The following ORC3 variants were observed in gnomAD, a reference collection of about 807,000 sequenced individuals.
ORC3 encodes the protein homolog of latheo, Drosophila.
In ORC3, 78 loss-of-function variants were observed where a neutral mutation model predicts 100.7. That is an observed-to-expected ratio of 0.77 (90% CI 0.65 to 0.94). The LOEUF is 0.94. Among genes scored for constraint, ORC3 ranks in the 40% least tolerant of loss-of-function variants. The pLI is 0.00. For missense variants in ORC3, 789 were observed against 823.9 expected (o/e 0.96, Z 0.52); for synonymous variants, 295 against 289.3 (o/e 1.02, Z -0.20).
chr6:87,626,169 G>A (rs1473380689), intron 11 of ORC3, among the ~76,000 whole-genome samples: 16 of 152,144 alleles, frequency 1.1e-4, no homozygotes. Flanking sequence ...GGCAATGTGG[G>A]CTCTTTTTTG....
intron 18 of ORC3, 111 bp downstream of exon 18, chr6:87,664,970 C>T (rs1307491156): frequency 5.9e-6 from 4 of 672,598 alleles, no homozygotes; most frequent in Non-Finnish European, 1.0e-5. Flanking sequence ...TGTTTAATGC[C>T]TTGTCTTTTA....
intron 7 of ORC3, among the ~76,000 whole-genome samples, chr6:87,610,928 ACTTTT>A (rs1778711458): frequency 7.5e-6 from 1 of 132,928 alleles, no homozygotes; most frequent in African/African-American, 2.8e-5. Flanking sequence ...ATATATTAGG[ACTTTT>A]CTTTTTTTTT....
At chr6:87,627,232 C>G (rs981399964) in intron 11 of ORC3, among the ~76,000 whole-genome samples, 1 of 148,706 alleles carries the variant, frequency 6.7e-6, no homozygotes, top group African/African-American at 2.5e-5. Context: ...CTCCTGACTT[C>G]AGATAATCCA....
At chr6:87,590,788 A>G (rs956104968) in intron 1 of ORC3, among the ~76,000 whole-genome samples, 3 of 152,202 alleles carry the variant, frequency 2.0e-5, no homozygotes, top group African/African-American at 7.2e-5. Context: ...GGCCCAGAAG[A>G]TAGAAATAAA....
At chr6:87,668,408 A>T (rs948053427), downstream of ORC3, among the ~76,000 whole-genome samples, 2 of 152,160 alleles carry the variant, frequency 1.3e-5, no homozygotes, top group East Asian at 3.9e-4. Flanking sequence ...ATTATACTTA[A>T]CAAGTTCAGT....
chr6:87,602,421 A>C (rs1467455722), intron 3 of ORC3, among the ~76,000 whole-genome samples: 1 of 151,338 alleles, frequency 6.6e-6, no homozygotes, highest in African/African-American at 2.4e-5. Flanking sequence ...ACATTTCTTC[A>C]CTATAGCAAA....
At chr6:87,600,492 G>A (rs1777815062) in intron 2 of ORC3, among the ~76,000 whole-genome samples, 1 of 152,070 alleles carries the variant, frequency 6.6e-6, no homozygotes, top group Non-Finnish European at 1.5e-5. Flanking sequence ...TTGAAGAAGT[G>A]GCTTAAATTT....
rs189564352 is a variant in ORC3 at position 87,630,057 on chromosome 6, C to T, written c.1186-4788C>T. Among the ~76,000 whole-genome samples the T allele has an allele frequency of 7.9e-5, 12 of 152,182 alleles. No individual in the cohort carries two copies. The East Asian group carries it at 2.3e-3, about 29-fold the overall frequency. On this transcript the variant is annotated intron_variant, in intron 11 of 19. Transcript: ENST00000392844. ...AATATTTACATATTGAGAAATTTTA[C>T]GTTACAAATTCAGACTTTTGAAAAA... is the stretch of plus-strand genomic sequence containing the variant.
At chr6:87,664,360 C>T (rs1328698181) in intron 17 of ORC3, among the ~76,000 whole-genome samples, 1 of 152,012 alleles carries the variant, frequency 6.6e-6, no homozygotes, top group African/African-American at 2.4e-5. Flanking sequence ...TTTACTAATA[C>T]AGTATAGTAA....
chr6:87,610,710 C>T (rs1209700172), intron 7 of ORC3, among the ~76,000 whole-genome samples: 3 of 145,860 alleles, frequency 2.1e-5, no homozygotes, highest in Non-Finnish European at 4.5e-5. Flanking sequence ...CCCGCCACCG[C>T]GCCTGGCTAA....
At chr6:87,595,000 A>G (rs1339420231) in intron 2 of ORC3, among the ~76,000 whole-genome samples, 1 of 152,210 alleles carries the variant, frequency 6.6e-6, no homozygotes, top group Non-Finnish European at 1.5e-5. Flanking sequence ...CATTTTATGA[A>G]TAAACTTGGC....
intron 13 of ORC3, among the ~76,000 whole-genome samples, chr6:87,651,997 C>T (rs1425148264): frequency 6.6e-6 from 1 of 151,340 alleles, no homozygotes. Flanking sequence ...CTCCCCGGTT[C>T]CAGCGATTCT....
chr6:87,643,150 A>T (rs538662644), intron 13 of ORC3, among the ~76,000 whole-genome samples: 2 of 151,784 alleles, frequency 1.3e-5, no homozygotes, highest in African/African-American at 4.8e-5. Flanking sequence ...CCAGGCTTCA[A>T]TGTGCATAAG....
rs535544502 is a variant in ORC3 at position 87,599,524 on chromosome 6, C to T, written c.80-2260C>T. On this transcript the variant is annotated intron_variant, in intron 2 of 19. Coordinates refer to ENST00000392844, the MANE Select transcript of ORC3 (RefSeq NM_012381.4). The stretch of plus-strand genomic sequence containing the variant: ...CTGGGACTACAGGTGTATGCCACCA[C>T]GCCCGGCTAATTTTTGTATTTTTAG... 7.2e-5 allele frequency among the ~76,000 whole-genome samples: 11 copies of T among 152,082 alleles called. 2 individuals are homozygous for T. In the East Asian group the frequency reaches 1.2e-3, roughly 16 times the overall value.
At chr6:87,650,437 T>C (rs1311809404) in intron 13 of ORC3, among the ~76,000 whole-genome samples, 4 of 152,188 alleles carry the variant, frequency 2.6e-5, no homozygotes, top group Non-Finnish European at 5.9e-5. Flanking sequence ...TCATCCTCCT[T>C]CTTAACATTT....
intron 2 of ORC3, among the ~76,000 whole-genome samples, chr6:87,597,358 G>A (rs929479166): frequency 6.6e-6 from 1 of 152,056 alleles, no homozygotes; most frequent in African/African-American, 2.4e-5. Context: ...AGATTCTGGA[G>A]GATTTCAGAT....
At chr6:87,646,476 T>C (rs530936641) in intron 13 of ORC3, among the ~76,000 whole-genome samples, 1 of 152,344 alleles carries the variant, frequency 6.6e-6, no homozygotes, top group East Asian at 1.9e-4. Context: ...TTAGTTGGAA[T>C]GTACCAAAAT....
intron 13 of ORC3, among the ~76,000 whole-genome samples, chr6:87,647,295 C>A (rs2128286215): frequency 6.6e-6 from 1 of 152,318 alleles, no homozygotes. Context: ...CATTTTCTCT[C>A]TCCATTTCAG....
At chr6:87,623,115 A>T (rs1257236649) in intron 11 of ORC3, among the ~76,000 whole-genome samples, 1 of 152,266 alleles carries the variant, frequency 6.6e-6, no homozygotes, top group African/African-American at 2.4e-5. Context: ...TTAAAAAATT[A>T]AAAATGTGTT....
Sources: allele counts gnomAD v4.1 joint callset (sites outside exome capture counted in the v4.1 genomes callset), GRCh38; gene constraint gnomAD v4.1.1; transcripts MANE v1.5; gene names NCBI Gene and HGNC (gene_info 2026-07-23, HGNC 2026-07-21).